CAPN11: variants seen among roughly 807,000 people sequenced by gnomAD.
The protein encoded by CAPN11 is calpain-11.
Under a neutral mutation model 105.3 loss-of-function variants are expected in CAPN11, and 108 were observed. That is an observed-to-expected ratio of 1.03 (90% CI 0.88 to 1.20). The LOEUF is 1.20. CAPN11 is among the 50% of genes most tolerant of loss of function. The pLI, the probability that CAPN11 is intolerant of heterozygous loss-of-function variation, is 0.00. For missense variants in CAPN11, 883 were observed against 924.8 expected, an observed-to-expected ratio of 0.95 and a Z score of 0.59; for synonymous variants, 329 against 344.5, an observed-to-expected ratio of 0.96 and a Z score of 0.50.
chr6:44,181,076 C>G, intron 18 of CAPN11, 79 bp downstream of exon 18: 1 of 1,338,922 alleles, frequency 7.5e-7, no homozygotes, highest in Non-Finnish European at 1.1e-6. Flanking sequence ...CTGGGCCAGC[C>G]ACGTCCTCCT....
intron 7 of CAPN11, 49 bp downstream of exon 7, chr6:44,173,435 G>A: frequency 2.3e-6 from 3 of 1,283,170 alleles, no homozygotes; most frequent in South Asian, 1.3e-5. Context: ...TGCTGTTGCT[G>A]TCACCCAAAA....
At chr6:44,179,924 C>T in intron 13 of CAPN11, 28 bp from the exon 14 acceptor site, 2 of 1,558,426 alleles carry the variant, frequency 1.3e-6, no homozygotes, top group Non-Finnish European at 1.8e-6. Context: ...CCATGCCAGT[C>T]CTGTACCCAC....
intron 2 of CAPN11, among the ~76,000 whole-genome samples, chr6:44,168,770 C>T (rs1770443288): frequency 6.6e-6 from 1 of 152,028 alleles, no homozygotes; most frequent in African/African-American, 2.4e-5. Flanking sequence ...AGGCATCTTG[C>T]CCCCACACCC....
At chr6:44,167,914 T>TC (rs1377531343) in intron 2 of CAPN11, among the ~76,000 whole-genome samples, 36 of 58,392 alleles carry the variant, frequency 6.2e-4, no homozygotes, top group Non-Finnish European at 8.3e-4. Flanking sequence ...AGACTCTGTT[T>TC]TGAAAAAAAA....
At chr6:44,160,448 T>G (rs572912465) in intron 1 of CAPN11, among the ~76,000 whole-genome samples, 2 of 151,820 alleles carry the variant, frequency 1.3e-5, no homozygotes, top group Non-Finnish European at 2.9e-5. Flanking sequence ...AAACCCTGTC[T>G]CTACTAAAAA....
chr6:44,169,465 ACTGGGCTTCAAGGAC>A lies in CAPN11; in HGVS notation c.280_294del (p.Phe94_Gly98del). Reference sequence around the variant, plus strand: ...CCTTATTCCCTGCTGAACCCAGCTCACTGGGCTTCAAGGACCTGGGCCCCAACTCCAAAAATGTGC... The same window carrying A: ...CCTTATTCCCTGCTGAACCCAGCTCACTGGGCCCCAACTCCAAAAATGTGC... On this transcript the variant is annotated inframe_deletion, in exon 3 of 23. Transcript: ENST00000398776. 6.2e-7 allele frequency: 1 copy of A among 1,610,866 alleles called. No individual in the cohort carries two copies. The highest frequency in any genetic ancestry group is 8.5e-7 in the Non-Finnish European group (1 of 1,178,662).
rs550548455 is a variant in CAPN11 at position 44,176,242 on chromosome 6, C to T, written c.916-11C>T. Reference sequence around the variant, plus strand: ...CATAACTCTGACCTTTAACCACCCCCGCCCACCCAGGTCCACTACAGAGGC... The same window carrying T: ...CATAACTCTGACCTTTAACCACCCCTGCCCACCCAGGTCCACTACAGAGGC... On this transcript the variant is annotated splice_polypyrimidine_tract_variant and intron_variant, in intron 8 of 22. Transcript: ENST00000398776. 6.1e-5 allele frequency: 92 copies of T among 1,508,430 alleles called. 2 individuals carry two copies. The East Asian group carries it at 6.5e-4, about 11-fold the overall frequency. The allele number at this position is 1,508,430 out of a possible 1,614,324, so 93.4% of individuals were successfully genotyped here.
intron 5 of CAPN11, 29 bp from the exon 6 acceptor site, chr6:44,172,911 C>T (rs780734751): frequency 9.3e-6 from 15 of 1,608,530 alleles, no homozygotes; most frequent in Admixed American, 3.4e-5. Context: ...AGGGTTCCCA[C>T]GCAAGGGGTG....
rs761916841 is a variant in CAPN11 at position 44,176,582 on chromosome 6, G to T, written c.1003G>T (p.Ala335Ser). 1.9e-6 allele frequency: 3 copies of T among 1,612,350 alleles called. No individual in the cohort carries two copies. In the Admixed American group the frequency reaches 5.0e-5, roughly 27 times the overall value. ...IEWNGAWSDS[A>S]REWEEVASDI... ...TTCCACCGCCCATCTCTGCTCCAGT[G>T]CCAGGGAGTGGGAAGAGGTGGCCTC... The change falls in exon 10 of 23, where the codon GCC becomes TCC. Residue 335 changes from alanine to serine, a missense_variant and splice_region_variant. Transcript: ENST00000398776.
At chr6:44,161,295 G>T (rs1768756022) in intron 1 of CAPN11, among the ~76,000 whole-genome samples, 1 of 152,048 alleles carries the variant, frequency 6.6e-6, no homozygotes, top group Non-Finnish European at 1.5e-5. Flanking sequence ...CACCTCCCGG[G>T]TTCAAGCGAT....
chr6:44,184,152 C>T lies in CAPN11; in HGVS notation c.*220C>T, dbSNP rs117608105. 2.6e-5 allele frequency: 15 copies of T among 582,538 alleles called. No individual in the cohort carries two copies. Among genetic ancestry groups the T allele is most frequent in the African/African-American group, 1.7e-4 (9 of 53,754 alleles). The allele number at this position is 582,538 out of a possible 1,614,324, so 36.1% of individuals were successfully genotyped here. On this transcript the variant is annotated 3_prime_UTR_variant, in exon 23 of 23. Transcript: ENST00000398776. The stretch of plus-strand genomic sequence containing the variant: ...GAGGCTTTCTCTTTTTTCCCCAACC[C>T]GGCTTCTGATGGCTGGCTTTCCCCC...
At chr6:44,160,384 G>A (rs12200733) in intron 1 of CAPN11, among the ~76,000 whole-genome samples, 36 of 152,276 alleles carry the variant, frequency 2.4e-4, no homozygotes, top group African/African-American at 7.9e-4. Context: ...TTGGGAGGCC[G>A]TGGCGGGCAG....
At chr6:44,183,486 A>G (rs1295938384) in intron 21 of CAPN11, among the ~76,000 whole-genome samples, 1 of 152,208 alleles carries the variant, frequency 6.6e-6, no homozygotes, top group Non-Finnish European at 1.5e-5. Flanking sequence ...ACTGAGGTGC[A>G]GGTTAAACCA....
intron 19 of CAPN11, among the ~76,000 whole-genome samples, chr6:44,182,221 A>T (rs1343157513): frequency 3.9e-5 from 3 of 77,636 alleles, no homozygotes; most frequent in Admixed American, 3.8e-4. Flanking sequence ...TCACACACAC[A>T]CATACACACT....
At chr6:44,172,690 A>G (rs1445050057) in intron 5 of CAPN11, among the ~76,000 whole-genome samples, 1 of 152,104 alleles carries the variant, frequency 6.6e-6, no homozygotes. Context: ...TGACACTGGT[A>G]GTCTCTGTCA....
At chr6:44,163,947 C>A (rs556796870) in intron 1 of CAPN11, among the ~76,000 whole-genome samples, 2 of 152,156 alleles carry the variant, frequency 1.3e-5, no homozygotes, top group Non-Finnish European at 2.9e-5. Flanking sequence ...AAGTGATCCT[C>A]CCACCTCAGC....
Position 44,172,434 on chromosome 6 carries a change from T to A in CAPN11, c.528+14T>A. 6.9e-7 allele frequency: 1 copy of A among 1,453,764 alleles called. No individual in the cohort carries two copies. Among genetic ancestry groups the A allele is most frequent in the Non-Finnish European group, 9.4e-7 (1 of 1,061,030 alleles). 90.1% of individuals were successfully genotyped at this position (1,453,764 alleles called of 1,614,324 possible). A position where few individuals can be genotyped will look rare whatever the true frequency, so the allele number is the denominator to read the frequency against. ...TTCCATTTTCAGGTGAAGGACAGTG[T>A]GAGAGCCACTGTGGCTTTGTTGGGG... On this transcript the variant is annotated intron_variant, in intron 5 of 22. Coordinates refer to ENST00000398776, the MANE Select transcript of CAPN11 (RefSeq NM_007058.4).
At position 44,177,419 on chromosome 6, in the gene CAPN11, C is replaced by T. The variant is rs776928325; in HGVS notation, c.1415C>T (p.Ala472Val). The change falls in exon 12 of 23, where the codon GCG (alanine) becomes GTG (valine). Residue 472 changes from alanine (A) to valine (V), a missense_variant and splice_region_variant. By Grantham distance (64) the Ala-to-Val change is moderately conservative (BLOSUM62 0). Coordinates refer to ENST00000398776, the MANE Select transcript of CAPN11 (RefSeq NM_007058.4). Reference protein sequence around the residue: ...QLQTIGFVLYAVPKEFQNIQD... With the variant: ...QLQTIGFVLYVVPKEFQNIQD... Reference sequence around the variant, plus strand: ...CAGACCATTGGCTTTGTCCTCTACGCGGTGGGTGCCTGGCTGGTCTCGCCC... The same window carrying T: ...CAGACCATTGGCTTTGTCCTCTACGTGGTGGGTGCCTGGCTGGTCTCGCCC... The T allele has an allele frequency of 3.7e-6, 6 of 1,607,868 alleles. No homozygotes were observed. Among genetic ancestry groups the T allele is most frequent in the East Asian group, 2.2e-5 (1 of 44,766 alleles).
Position 44,177,249 on chromosome 6 carries a change from C to G in CAPN11, c.1245C>G (p.Phe415Leu), listed in dbSNP as rs377696859. The G allele has an allele frequency of 1.3e-6, 2 of 1,585,642 alleles. No homozygotes were observed. Among genetic ancestry groups the G allele is most frequent in the African/African-American group, 2.7e-5 (2 of 74,300 alleles). ...AGGCRNHPGT[F>L]WTNPQFKISL... ...GACCCACTTCCGCCACAGGCACGTT[C>G]TGGACCAACCCCCAGTTTAAGATCT... is the stretch of plus-strand genomic sequence containing the variant. The change falls in exon 12 of 23, where the codon TTC (phenylalanine) becomes TTG (leucine). Residue 415 changes from phenylalanine (F) to leucine (L), a missense_variant. Transcript: ENST00000398776.
Sources: gnomAD v4.1 joint callset for allele counts (sites outside exome capture counted in the v4.1 genomes callset) on GRCh38, gnomAD v4.1.1 for gene constraint, MANE v1.5 for transcripts, NCBI Gene and HGNC (gene_info 2026-07-23, HGNC 2026-07-21) for gene names.